Variants in SEMA4F observed in about 807,000 individuals in gnomAD.
SEMA4F encodes the protein ssemaphorin 4F.
Under a neutral mutation model 78.4 loss-of-function variants are expected in SEMA4F, and 51 were observed. The observed-to-expected ratio is 0.65, with a 90% CI of 0.52 to 0.82. The LOEUF is 0.82. Among genes scored for constraint, SEMA4F ranks in the 40% least tolerant of loss-of-function variants. The pLI, the probability that SEMA4F is intolerant of heterozygous loss-of-function variation, is 0.00. For synonymous variants in SEMA4F, 418 were observed against 408.7 expected (o/e 1.02, Z -0.27); for missense variants, 938 against 1,014.4 (o/e 0.92, Z 1.02).
At position 74,680,070 on chromosome 2, in the gene SEMA4F, G is replaced by C. The variant is rs373277680; in HGVS notation, c.2174G>C (p.Arg725Pro). The stretch of plus-strand genomic sequence containing the variant: ...CCCTCCCCCTCTCCTGAAGATGAGC[G>C]GTTGCCGCTGGCCCTGGCCAAGAGG... ...DPPSPSPEDE[R>P]LPLALAKRGS... Residue 725 changes from arginine to proline, a missense_variant, in exon 14 of 14, where the codon CGG becomes CCG. Arg to Pro is a moderately radical substitution (Grantham distance 103). Transcript: ENST00000357877. 1 of 1,614,112 alleles carries C rather than the reference G, an allele frequency of 6.2e-7. No individual in the cohort carries two copies. Among genetic ancestry groups the C allele is most frequent in the Admixed American group, 1.7e-5 (1 of 60,028 alleles).
intron 1 of SEMA4F, chr2:74,655,288 G>A: frequency 2.5e-6 from 1 of 406,870 alleles, no homozygotes; most frequent in South Asian, 1.9e-5. Context: ...AAAAATAGAG[G>A]AGGGGGATAT....
chr2:74,671,635 T>C (rs1397638861), intron 5 of SEMA4F, among the ~76,000 whole-genome samples: 4 of 152,246 alleles, frequency 2.6e-5, no homozygotes, highest in Non-Finnish European at 5.9e-5. Flanking sequence ...GACTCCCAAG[T>C]TGCTGACTCT....
intron 2 of SEMA4F, among the ~76,000 whole-genome samples, chr2:74,657,152 A>G (rs930549194): frequency 6.6e-6 from 1 of 152,216 alleles, no homozygotes; most frequent in Non-Finnish European, 1.5e-5. Flanking sequence ...TGGATTTTCA[A>G]ATTAGGGATG....
chr2:74,654,587 C>A, intron 1 of SEMA4F, 66 bp downstream of exon 1: 1 of 1,369,096 alleles, frequency 7.3e-7, no homozygotes. Context: ...CCACCTGCTC[C>A]TCAGACCGCT....
At position 74,673,848 on chromosome 2, in the gene SEMA4F, G is replaced by C; in HGVS notation, c.822+20G>C. 1 of 1,606,454 alleles carries C rather than the reference G, an allele frequency of 6.2e-7. No individual in the cohort carries two copies. The highest frequency in any genetic ancestry group is 8.5e-7 in the Non-Finnish European group (1 of 1,175,626). On this transcript the variant is annotated intron_variant, in intron 7 of 13. Coordinates refer to ENST00000357877, the MANE Select transcript of SEMA4F (RefSeq NM_004263.5). ...TGTGCGGTGAGACCCCATCCCAGCTGTCTGTCTGTCATCTCCTGCTCTGTC... is the reference window on the plus strand; with the variant it reads ...TGTGCGGTGAGACCCCATCCCAGCTCTCTGTCTGTCATCTCCTGCTCTGTC...
At chr2:74,657,679 C>A in intron 3 of SEMA4F, 55 bp downstream of exon 3, 2 of 1,567,412 alleles carry the variant, frequency 1.3e-6, no homozygotes, top group African/African-American at 1.4e-5. Context: ...TGGCCCAGCC[C>A]TGACTCTCAG....
chr2:74,701,457 G>A, the SEMA4F span, among the ~76,000 whole-genome samples: 1 of 152,144 alleles, frequency 6.6e-6, no homozygotes, highest in Non-Finnish European at 1.5e-5. Context: ...AGGTTGAGTG[G>A]TTCCAGAACA....
rs1314951774 is a variant in SEMA4F at position 74,680,026 on chromosome 2, A to G, written c.2130A>G (p.Thr710=). The G allele has an allele frequency of 1.9e-6, 3 of 1,614,050 alleles. No homozygotes were observed. The Admixed American group carries it at 5.0e-5, about 27-fold the overall frequency. ...TGGGGGCTCCACCTTCTGGGACCAC[A>G]AGCTACAGCCAAGACCCTCCCTCCC... is the stretch of plus-strand genomic sequence containing the variant. ...LDLGAPPSGT[T]SYSQDPPSPS... Residue 710 remains threonine, a synonymous_variant, in exon 14 of 14, where the codon ACA becomes ACG. Transcript: ENST00000357877.
At position 74,654,323 on chromosome 2, in the gene SEMA4F, G is replaced by T; in HGVS notation, c.-54G>T. ...TGGGGCCGAGGCCAGTAGCCCCGGG[G>T]CCCTGAGCAGAGGCCGTAGCTTGCG... On this transcript the variant is annotated 5_prime_UTR_variant, in exon 1 of 14. Transcript: ENST00000357877. 2 of 1,408,438 alleles carry T rather than the reference G, an allele frequency of 1.4e-6. No homozygotes were observed. The highest frequency in any genetic ancestry group is 1.8e-6 in the Non-Finnish European group (2 of 1,087,882). 87.2% of individuals were successfully genotyped at this position (1,408,438 alleles called of 1,614,324 possible).
At chr2:74,686,095 CT>C (rs947785511), downstream of SEMA4F, among the ~76,000 whole-genome samples, 9 of 150,192 alleles carry the variant, frequency 6.0e-5, no homozygotes, top group African/African-American at 2.2e-4. Context: ...AATAGGAATG[CT>C]TTTTTTTTCT....
chr2:74,657,828 C>T lies in SEMA4F; in HGVS notation c.358-25C>T, dbSNP rs537886997. On this transcript the variant is annotated intron_variant, in intron 3 of 13. Coordinates refer to ENST00000357877, the MANE Select transcript of SEMA4F (RefSeq NM_004263.5). ...TTCCTCGTACCTGCTGCTTCTGATT[C>T]TTTCTAACCGTCTCTGACCCCCAGG... The T allele has an allele frequency of 3.1e-4, 497 of 1,604,794 alleles. 5 individuals carry two copies. In the South Asian group the frequency reaches 5.2e-3, roughly 17 times the overall value.
At chr2:74,666,130 ACTC>A (rs1436136873) in intron 5 of SEMA4F, among the ~76,000 whole-genome samples, 1 of 151,180 alleles carries the variant, frequency 6.6e-6, no homozygotes, top group Non-Finnish European at 1.5e-5. Flanking sequence ...CTGGTCTCAA[ACTC>A]CTGACCTCAT....
chr2:74,667,953 C>T (rs114944480), intron 5 of SEMA4F, among the ~76,000 whole-genome samples: 150 of 152,312 alleles, frequency 9.8e-4, no homozygotes, highest in African/African-American at 3.4e-3. Context: ...CTGCCTTCCA[C>T]ACATCTTCAG....
the SEMA4F span, among the ~76,000 whole-genome samples, chr2:74,691,986 C>T: frequency 3.3e-5 from 5 of 152,138 alleles, no homozygotes; most frequent in East Asian, 3.9e-4. Flanking sequence ...CCTTACGGAG[C>T]AGGCCTGACC....
the SEMA4F span, among the ~76,000 whole-genome samples, chr2:74,706,052 G>C: frequency 8.6e-5 from 13 of 151,736 alleles, no homozygotes; most frequent in Non-Finnish European, 1.0e-4. Flanking sequence ...TAAATTACTA[G>C]TAACACATTT....
rs749495903 is a variant in SEMA4F, at chr2:74,673,457, G to C, written c.551G>C (p.Gly184Ala). The change falls in exon 6 of 14, where the codon GGG becomes GCG. Residue 184 changes from glycine (G) to alanine (A), a missense_variant and splice_region_variant. Physicochemically the swap from Gly to Ala is moderately conservative, Grantham distance 60. Coordinates refer to ENST00000357877, the MANE Select transcript of SEMA4F (RefSeq NM_004263.5). ...PAQRSAAVMA[G>A]GVLYAATVKN... ...CCATCTCCTCCCTGTCGCCCTGCAG[G>C]GGGGGTCCTCTATGCTGCCACTGTG... is the stretch of plus-strand genomic sequence containing the variant. The C allele has an allele frequency of 1.4e-5, 23 of 1,613,900 alleles. No homozygotes were observed. Among genetic ancestry groups the C allele is most frequent in the South Asian group, 2.2e-5 (2 of 91,036 alleles).
intron 5 of SEMA4F, among the ~76,000 whole-genome samples, chr2:74,671,022 A>G (rs1238442882): frequency 1.3e-5 from 2 of 151,682 alleles, no homozygotes; most frequent in African/African-American, 2.4e-5. Flanking sequence ...CCTTAGCACT[A>G]TTCTGAGTGG....
rs1685735109 is a variant in SEMA4F, at chr2:74,683,656, C to T, written c.*3447C>T. The stretch of plus-strand genomic sequence containing the variant: ...CTGTATGGGCTTGGATGAGGAGCTT[C>T]TCAGCGGCAGTCATAAGAACCAGAG... On this transcript the variant is annotated 3_prime_UTR_variant, in exon 14 of 14. Transcript: ENST00000357877. 6.6e-6 allele frequency: 1 copy of T among 152,106 alleles called. No individual in the cohort carries two copies. Among genetic ancestry groups the T allele is most frequent in the South Asian group, 2.1e-4 (1 of 4,824 alleles). 9.4% of individuals were successfully genotyped at this position (152,106 alleles called of 1,614,324 possible). A position where few individuals can be genotyped will look rare whatever the true frequency, so the allele number is the denominator to read the frequency against.
chr2:74,654,862 G>T (rs979036910), intron 1 of SEMA4F, among the ~76,000 whole-genome samples: 2 of 152,200 alleles, frequency 1.3e-5, no homozygotes, highest in Non-Finnish European at 2.9e-5. Flanking sequence ...TCGGGTGGGG[G>T]CTGCCCGAGG....
Sources: gnomAD v4.1 joint callset for allele counts (sites outside exome capture counted in the v4.1 genomes callset) on GRCh38, gnomAD v4.1.1 for gene constraint, MANE v1.5 for transcripts, NCBI Gene and HGNC (gene_info 2026-07-23, HGNC 2026-07-21) for gene names.